The following SGCZ variants were observed in gnomAD, a reference collection of about 807,000 sequenced individuals.
The protein encoded by SGCZ is zeta-sarcoglycan.
A neutral mutation model predicts 41.3 loss-of-function variants in SGCZ; 40 were observed. The observed-to-expected ratio is 0.97, with a 90% confidence interval of 0.75 to 1.26. The LOEUF (loss-of-function observed/expected upper bound fraction) is 1.26. SGCZ is among the 50% of genes most tolerant of loss of function. The pLI is 0.00. For missense variants in SGCZ, 552 were observed against 369.8 expected, an observed-to-expected ratio of 1.49 and a Z score of -4.04; for synonymous variants, 206 against 137.5, an observed-to-expected ratio of 1.50 and a Z score of -3.49.
chr8:14,498,395 C>G (rs754787071), intron 2 of SGCZ, among the ~76,000 whole-genome samples: 8 of 151,886 alleles, frequency 5.3e-5, no homozygotes, highest in African/African-American at 9.7e-5. Context: ...GTTGATATAC[C>G]CTTTTTATCA....
intron 5 of SGCZ, among the ~76,000 whole-genome samples, chr8:14,144,445 G>C (rs746526379): frequency 1.3e-5 from 2 of 152,142 alleles, no homozygotes; most frequent in Non-Finnish European, 2.9e-5. Flanking sequence ...TAACTGAAGA[G>C]CCCTTGGGCC....
At chr8:14,096,256 T>C (rs963562960) in intron 7 of SGCZ, among the ~76,000 whole-genome samples, 17 of 152,294 alleles carry the variant, frequency 1.1e-4, no homozygotes, top group Admixed American at 3.9e-4. Context: ...AAATTGCTCA[T>C]ATTATTTTGA....
chr8:14,278,976 T>C (rs1420539480), intron 3 of SGCZ, among the ~76,000 whole-genome samples: 2 of 152,124 alleles, frequency 1.3e-5, no homozygotes, highest in Non-Finnish European at 2.9e-5. Context: ...ATTTATGTGT[T>C]AAAGAAATGG....
intron 2 of SGCZ, among the ~76,000 whole-genome samples, chr8:14,411,349 A>T (rs368220726): frequency 6.6e-6 from 1 of 152,136 alleles, no homozygotes. Context: ...TAGTCATCAG[A>T]TATATAAAAC....
At chr8:14,225,822 T>A (rs1806353193) in intron 4 of SGCZ, among the ~76,000 whole-genome samples, 1 of 152,040 alleles carries the variant, frequency 6.6e-6, no homozygotes, top group Non-Finnish European at 1.5e-5. Flanking sequence ...ATGAGACTGG[T>A]CTAAACTTGC....
intron 1 of SGCZ, among the ~76,000 whole-genome samples, chr8:14,747,696 T>C (rs1799377562): frequency 9.3e-6 from 1 of 107,264 alleles, no homozygotes; most frequent in Non-Finnish European, 2.1e-5. Context: ...TTATTATGTG[T>C]GTGTGTATTT....
intron 1 of SGCZ, among the ~76,000 whole-genome samples, chr8:15,020,641 T>C (rs1464874126): frequency 3.3e-5 from 5 of 152,198 alleles, no homozygotes; most frequent in Non-Finnish European, 4.4e-5. Context: ...TTAAATAATA[T>C]AACTGGCATG....
intron 2 of SGCZ, among the ~76,000 whole-genome samples, chr8:14,475,379 T>C (rs1478866697): frequency 6.6e-6 from 1 of 152,160 alleles, no homozygotes; most frequent in Non-Finnish European, 1.5e-5. Context: ...AATTTGTATA[T>C]GAAAGTAGCA....
chr8:14,463,671 G>A (rs1053106197), intron 2 of SGCZ, among the ~76,000 whole-genome samples: 1 of 151,674 alleles, frequency 6.6e-6, no homozygotes, highest in African/African-American at 2.4e-5. Flanking sequence ...TCAAAAATGT[G>A]TAACAAAAGG....
intron 1 of SGCZ, among the ~76,000 whole-genome samples, chr8:14,935,054 T>C (rs146461104): frequency 0.017 from 2,524 of 148,556 alleles, 29 homozygotes; most frequent in South Asian, 0.046. Flanking sequence ...AAAACTGAGA[T>C]GATTTCTAAA....
intron 1 of SGCZ, among the ~76,000 whole-genome samples, chr8:15,225,038 A>C (rs530104068): frequency 6.6e-6 from 1 of 152,344 alleles, no homozygotes; most frequent in African/African-American, 2.4e-5. Flanking sequence ...TTAAACAAAC[A>C]AAATAGAAAG....
At chr8:14,141,232 T>G (rs894335432) in intron 5 of SGCZ, among the ~76,000 whole-genome samples, 1 of 150,914 alleles carries the variant, frequency 6.6e-6, no homozygotes, top group African/African-American at 2.4e-5. Flanking sequence ...GAAGGAAACC[T>G]ATACCATTCA....
chr8:14,714,460 T>A (rs542633817), intron 1 of SGCZ, among the ~76,000 whole-genome samples: 11 of 152,318 alleles, frequency 7.2e-5, no homozygotes, highest in African/African-American at 2.4e-4. Context: ...AAAACTTACA[T>A]GAATTTCCGA....
At chr8:15,032,924 C>T (rs1021899547) in intron 1 of SGCZ, among the ~76,000 whole-genome samples, 2 of 150,932 alleles carry the variant, frequency 1.3e-5, no homozygotes, top group Non-Finnish European at 3.0e-5. Context: ...AGAATACAGA[C>T]CAGCCCAAAG....
chr8:14,432,063 C>T (rs1799957803), intron 2 of SGCZ, among the ~76,000 whole-genome samples: 1 of 152,114 alleles, frequency 6.6e-6, no homozygotes, highest in Non-Finnish European at 1.5e-5. Context: ...GAACAGGGAA[C>T]ACTTCTACCC....
At chr8:14,746,878 G>A (rs1018610964) in intron 1 of SGCZ, among the ~76,000 whole-genome samples, 1 of 152,086 alleles carries the variant, frequency 6.6e-6, no homozygotes, top group African/African-American at 2.4e-5. Flanking sequence ...TCTTTCAACT[G>A]TATGTCCTAC....
chr8:15,184,454 A>C (rs1424834536), intron 1 of SGCZ, among the ~76,000 whole-genome samples: 1 of 152,118 alleles, frequency 6.6e-6, no homozygotes, highest in Non-Finnish European at 1.5e-5. Context: ...CAAATCTGAG[A>C]AGTTGTATCG....
chr8:14,727,515 C>CT (rs111909005), intron 1 of SGCZ, among the ~76,000 whole-genome samples: 13,584 of 143,978 alleles, frequency 0.094, 1,342 homozygotes, highest in African/African-American at 0.25. Flanking sequence ...TACAATAATG[C>CT]TTTTTTTTTT....
chr8:14,929,924 G>C (rs1230676654), intron 1 of SGCZ, among the ~76,000 whole-genome samples: 1 of 151,880 alleles, frequency 6.6e-6, no homozygotes, highest in South Asian at 2.1e-4. Flanking sequence ...ATATTATTGA[G>C]TTTTTACATA....
Sources: allele counts gnomAD v4.1 joint callset (sites outside exome capture counted in the v4.1 genomes callset), GRCh38; gene constraint gnomAD v4.1.1; transcripts MANE v1.5; gene names NCBI Gene and HGNC (gene_info 2026-07-23, HGNC 2026-07-21).